The following INTS4 variants were observed in gnomAD, a reference collection of about 807,000 sequenced individuals.
INTS4 encodes MSTP093.
INTS4 carries 70 observed loss-of-function variants against 119.5 expected under a neutral mutation model. The ratio of observed to expected loss-of-function variants is 0.59; its 90% CI spans 0.48 to 0.71. The LOEUF is 0.71. Ranked by LOEUF, INTS4 falls within the 30% of genes least tolerant of loss-of-function variation. The pLI, the probability that INTS4 is intolerant of heterozygous loss-of-function variation, is 0.00. For missense variants in INTS4, 867 were observed against 1,173.2 expected, an observed-to-expected ratio of 0.74 and a Z score of 3.81; for synonymous variants, 316 against 419.6, an observed-to-expected ratio of 0.75 and a Z score of 3.02.
chr11:77,950,537 A>C (rs553221713), intron 8 of INTS4, among the ~76,000 whole-genome samples: 37 of 152,246 alleles, frequency 2.4e-4, no homozygotes, highest in African/African-American at 7.7e-4. Flanking sequence ...ATTAACAGTA[A>C]AATATTGTAT....
At chr11:77,972,764 G>A (rs990399654) in intron 4 of INTS4, among the ~76,000 whole-genome samples, 1 of 150,772 alleles carries the variant, frequency 6.6e-6, no homozygotes. Context: ...TCTTCATATA[G>A]TACCATAGTA....
At chr11:77,923,315 CAAAAA>C (rs35475320) in intron 12 of INTS4, among the ~76,000 whole-genome samples, 1 of 87,978 alleles carries the variant, frequency 1.1e-5, no homozygotes, top group East Asian at 3.3e-4. Context: ...GACTCTGTCT[CAAAAA>C]AAAAAAAAAA....
intron 15 of INTS4, among the ~76,000 whole-genome samples, chr11:77,910,791 G>T (rs1953072687): frequency 6.6e-6 from 1 of 151,722 alleles, no homozygotes; most frequent in African/African-American, 2.4e-5. Context: ...TGAATTTTGA[G>T]ATATGCCATG....
At chr11:77,930,207 T>C (rs998325371) in intron 10 of INTS4, among the ~76,000 whole-genome samples, 20 of 152,086 alleles carry the variant, frequency 1.3e-4, no homozygotes, top group African/African-American at 4.6e-4. Context: ...CAAAACAAAA[T>C]AAAACAAAAA....
chr11:77,876,176 C>G (rs1279630273), downstream of INTS4, among the ~76,000 whole-genome samples: 1 of 152,064 alleles, frequency 6.6e-6, no homozygotes, highest in African/African-American at 2.4e-5. Context: ...GGAAGGAATC[C>G]AACGTGCCAA....
intron 4 of INTS4, among the ~76,000 whole-genome samples, chr11:77,966,238 T>C (rs1336463543): frequency 6.6e-6 from 1 of 152,206 alleles, no homozygotes; most frequent in African/African-American, 2.4e-5. Context: ...TTTTGTTTTT[T>C]TACCTCTATG....
Position 77,989,216 on chromosome 11 carries a change from G to A in INTS4, c.246+1892C>T, listed in dbSNP as rs139191532. The stretch of plus-strand genomic sequence containing the variant: ...AATTCAACAAAACAAGGCTGGGCGC[G>A]GTGGCTCACACCTGTAATCCCAGCA... On this transcript the variant is annotated intron_variant, in intron 2 of 22. Coordinates refer to ENST00000534064, the MANE Select transcript of INTS4 (RefSeq NM_033547.4). 4.4e-3 allele frequency among the ~76,000 whole-genome samples: 662 copies of A among 152,172 alleles called. 3 individuals carry two copies. The highest frequency in any genetic ancestry group is 0.015 in the African/African-American group (626 of 41,526).
rs533170859 is a variant in INTS4, at chr11:77,920,204, T to C, written c.1764+1136A>G. Among the ~76,000 whole-genome samples the C allele has an allele frequency of 2.8e-3, 399 of 140,738 alleles. 1 individual carries two copies. Among genetic ancestry groups the C allele is most frequent in the Non-Finnish European group, 4.2e-3 (268 of 64,482 alleles). The allele number at this position is 140,738 out of a possible 152,430, so 92.3% of individuals were successfully genotyped here. ...ATATACACATATATATACATATATA[T>C]ACACACATATATATACACATATACA... On this transcript the variant is annotated intron_variant, in intron 14 of 22. Coordinates refer to ENST00000534064, the MANE Select transcript of INTS4 (RefSeq NM_033547.4).
intron 10 of INTS4, among the ~76,000 whole-genome samples, chr11:77,934,055 C>A (rs201000855): frequency 7.4e-5 from 10 of 135,770 alleles, no homozygotes; most frequent in Non-Finnish European, 1.3e-4. Context: ...TAAGAAAAAT[C>A]TTCTGCCTTG....
At chr11:77,884,632 G>T (rs1951921604) in intron 21 of INTS4, 2 of 218,306 alleles carry the variant, frequency 9.2e-6, no homozygotes, top group Admixed American at 4.7e-5. Context: ...GAACCACACA[G>T]GTCTTCCAAT....
At chr11:77,966,691 T>A (rs1855515736) in intron 4 of INTS4, among the ~76,000 whole-genome samples, 2 of 152,208 alleles carry the variant, frequency 1.3e-5, no homozygotes. Flanking sequence ...TACAAATGCT[T>A]TATATTTTGA....
intron 1 of INTS4, among the ~76,000 whole-genome samples, chr11:77,993,766 T>C (rs191969322): frequency 7.9e-5 from 12 of 152,230 alleles, no homozygotes; most frequent in African/African-American, 2.6e-4. Flanking sequence ...ATGCAACCAA[T>C]GCACTGGTGT....
intron 8 of INTS4, among the ~76,000 whole-genome samples, chr11:77,950,403 G>A (rs1954161976): frequency 6.6e-6 from 1 of 151,996 alleles, no homozygotes; most frequent in African/African-American, 2.4e-5. Context: ...GAGTATAACA[G>A]TGGTTAGCAG....
At chr11:77,926,179 G>C (rs1412135643) in intron 11 of INTS4, among the ~76,000 whole-genome samples, 10 of 138,468 alleles carry the variant, frequency 7.2e-5, no homozygotes, top group Middle Eastern at 3.5e-3. Context: ...GTAGGATCTT[G>C]ACATAGCAGG....
At chr11:77,977,488 T>G (rs912998016) in intron 4 of INTS4, among the ~76,000 whole-genome samples, 3 of 151,660 alleles carry the variant, frequency 2.0e-5, no homozygotes, top group Non-Finnish European at 4.4e-5. Context: ...AGGAGCAAAA[T>G]TATATGATTA....
chr11:77,940,584 A>G (rs1005314312), intron 9 of INTS4, among the ~76,000 whole-genome samples: 1 of 152,174 alleles, frequency 6.6e-6, no homozygotes, highest in African/African-American at 2.4e-5. Flanking sequence ...TGTAGTTCCT[A>G]ACAAATAGAA....
intron 15 of INTS4, among the ~76,000 whole-genome samples, chr11:77,910,472 T>C (rs1465452430): frequency 6.7e-6 from 1 of 149,228 alleles, no homozygotes; most frequent in East Asian, 2.0e-4. Flanking sequence ...GGGATAGCAT[T>C]AGGAGATATA....
rs548790361 is a variant in INTS4 at position 77,939,402 on chromosome 11, C to T, written c.991-577G>A. ...GAGGTTGCAGTGAGCCGAGATCATGCCACTGCACTCCAGCCTGGCGACAGA... is the reference window on the plus strand; with the variant it reads ...GAGGTTGCAGTGAGCCGAGATCATGTCACTGCACTCCAGCCTGGCGACAGA... On this transcript the variant is annotated intron_variant, in intron 9 of 22. Coordinates refer to ENST00000534064, the MANE Select transcript of INTS4 (RefSeq NM_033547.4). Among the ~76,000 whole-genome samples, 50 of 152,204 alleles carry T rather than the reference C, an allele frequency of 3.3e-4. 1 individual carries two copies. In the South Asian group the frequency reaches 0.01, roughly 31 times the overall value.
Position 77,961,142 on chromosome 11 carries a change from T to TC in INTS4, c.472-5_472-4insG. 3 of 1,176,138 alleles carry TC rather than the reference T, an allele frequency of 2.6e-6. No individual in the cohort carries two copies. The highest frequency in any genetic ancestry group is 2.1e-6 in the Non-Finnish European group (2 of 939,156). The allele number at this position is 1,176,138 out of a possible 1,614,324, so 72.9% of individuals were successfully genotyped here. A position where few individuals can be genotyped will look rare whatever the true frequency, so the allele number is the denominator to read the frequency against. ...CATGAGACGTATCTGTCAGATGCTA[T>TC]TAAAAAAAAAAAAAAAAAGAAAAAA... On this transcript the variant is annotated splice_region_variant and splice_polypyrimidine_tract_variant and intron_variant, in intron 4 of 22. Coordinates refer to ENST00000534064, the MANE Select transcript of INTS4 (RefSeq NM_033547.4).
Sources: allele counts gnomAD v4.1 joint callset (sites outside exome capture counted in the v4.1 genomes callset), GRCh38; gene constraint gnomAD v4.1.1; transcripts MANE v1.5; gene names NCBI Gene and HGNC (gene_info 2026-07-23, HGNC 2026-07-21).